TMEM132C: variants seen among roughly 807,000 people sequenced by gnomAD.
TMEM132C encodes the protein protein phosphatase 1, regulatory subunit 152.
TMEM132C carries 29 observed loss-of-function variants against 61.4 expected under a neutral mutation model. That is an observed-to-expected ratio of 0.47 (90% CI 0.35 to 0.64). The LOEUF (loss-of-function observed/expected upper bound fraction) is 0.64. Ranked by LOEUF, TMEM132C falls within the 30% of genes least tolerant of loss-of-function variation. TMEM132C has a pLI of 0.00. For missense variants in TMEM132C, 1,408 were observed against 1,476.9 expected, an observed-to-expected ratio of 0.95 and a Z score of 0.76; for synonymous variants, 656 against 633.1, an observed-to-expected ratio of 1.04 and a Z score of -0.54.
At chr12:128,676,905 A>G (rs143980652) in intron 5 of TMEM132C, among the ~76,000 whole-genome samples, 192 of 152,362 alleles carry the variant, frequency 1.3e-3, no homozygotes, top group African/African-American at 4.4e-3. Flanking sequence ...TGCGATGTGC[A>G]GGTTAATAGG....
chr12:128,434,752 G>A (rs142203567), intron 2 of TMEM132C, among the ~76,000 whole-genome samples: 2,278 of 152,148 alleles, frequency 0.015, 61 homozygotes, highest in African/African-American at 0.05. Context: ...ACAGGCACAT[G>A]CCACTATGCC....
intron 3 of TMEM132C, among the ~76,000 whole-genome samples, chr12:128,557,378 G>A (rs1408805260): frequency 6.6e-6 from 1 of 152,194 alleles, no homozygotes; most frequent in Non-Finnish European, 1.5e-5. Flanking sequence ...ATGATTTATT[G>A]TATCAAGTTA....
chr12:128,291,397 G>A (rs576357051), intron 1 of TMEM132C, among the ~76,000 whole-genome samples: 38 of 152,332 alleles, frequency 2.5e-4, no homozygotes, highest in Middle Eastern at 6.8e-3. Flanking sequence ...TACAGTGCCA[G>A]GTGCCCTTTT....
intron 1 of TMEM132C, among the ~76,000 whole-genome samples, chr12:128,320,269 G>A (rs547268935): frequency 6.7e-6 from 1 of 150,084 alleles, no homozygotes; most frequent in South Asian, 2.1e-4. Flanking sequence ...CTTTTTTTTT[G>A]CATTTTGAAT....
At chr12:128,604,888 TGATGGATG>T (rs375376757) in intron 3 of TMEM132C, among the ~76,000 whole-genome samples, 1 of 150,880 alleles carries the variant, frequency 6.6e-6, no homozygotes, top group Non-Finnish European at 1.5e-5. Context: ...GGATGATAGA[TGATGGATG>T]GATGGATGGT....
chr12:128,306,197 G>A (rs1871770966), intron 1 of TMEM132C, among the ~76,000 whole-genome samples: 1 of 144,508 alleles, frequency 6.9e-6, no homozygotes, highest in African/African-American at 2.6e-5. Context: ...TTTACCCTGT[G>A]AAGAAATTCT....
intron 1 of TMEM132C, among the ~76,000 whole-genome samples, chr12:128,271,100 A>G (rs1870498606): frequency 1.3e-5 from 2 of 151,912 alleles, no homozygotes; most frequent in South Asian, 4.2e-4. Context: ...CTAAAAATAC[A>G]AAAATTAGCT....
At chr12:128,499,580 C>G (rs983375202) in intron 2 of TMEM132C, among the ~76,000 whole-genome samples, 8 of 152,172 alleles carry the variant, frequency 5.3e-5, no homozygotes, top group Admixed American at 3.9e-4. Context: ...AACCATCGTT[C>G]TACTCTCTGT....
chr12:128,364,141 C>G (rs1034987254), intron 1 of TMEM132C, among the ~76,000 whole-genome samples: 8 of 152,160 alleles, frequency 5.3e-5, no homozygotes, highest in African/African-American at 1.9e-4. Flanking sequence ...GATCCCGCAT[C>G]TGACCTGACC....
intron 5 of TMEM132C, among the ~76,000 whole-genome samples, chr12:128,678,868 C>A (rs1358678010): frequency 6.6e-6 from 1 of 152,214 alleles, no homozygotes; most frequent in East Asian, 1.9e-4. Context: ...GGTCTCCAGT[C>A]TCCTGTGGGA....
intron 1 of TMEM132C, among the ~76,000 whole-genome samples, chr12:128,384,776 G>A (rs958689194): frequency 6.6e-6 from 1 of 152,214 alleles, no homozygotes; most frequent in Admixed American, 6.5e-5. Flanking sequence ...GGCTGGCTTA[G>A]TGAGGGGACT....
rs1184631787 is a variant in TMEM132C, at chr12:128,267,334, C to T, written c.-69C>T. The stretch of plus-strand genomic sequence containing the variant: ...GGAGTGGCCCCGGGCATGGGGCGGC[C>T]GGCGGGGGCCGCGGGCGGGCGCTGC... On this transcript the variant is annotated 5_prime_UTR_variant, in exon 1 of 9. Transcript: ENST00000435159. 1.9e-5 allele frequency: 18 copies of T among 953,456 alleles called. 1 individual carries two copies. The South Asian group carries it at 5.1e-4, about 27-fold the overall frequency. The allele number at this position is 953,456 out of a possible 1,614,324, so 59.1% of individuals were successfully genotyped here. A position where few individuals can be genotyped will look rare whatever the true frequency, so the allele number is the denominator to read the frequency against.
chr12:128,538,570 A>G (rs893936296), intron 2 of TMEM132C, among the ~76,000 whole-genome samples: 1 of 152,208 alleles, frequency 6.6e-6, no homozygotes, highest in African/African-American at 2.4e-5. Flanking sequence ...TCCTCTTAAT[A>G]TCAAACTATT....
At chr12:128,582,057 G>T (rs1018876566) in intron 3 of TMEM132C, among the ~76,000 whole-genome samples, 15 of 152,192 alleles carry the variant, frequency 9.9e-5, no homozygotes, top group African/African-American at 2.9e-4. Context: ...AGGCTTCAGT[G>T]ACTGCATGGA....
intron 1 of TMEM132C, among the ~76,000 whole-genome samples, chr12:128,267,955 C>T (rs941215745): frequency 6.6e-6 from 1 of 152,200 alleles, no homozygotes; most frequent in African/African-American, 2.4e-5. Flanking sequence ...GGCTGGTGCT[C>T]CAGGAGGGAA....
chr12:128,320,722 G>A (rs1872303381), intron 1 of TMEM132C, among the ~76,000 whole-genome samples: 1 of 151,760 alleles, frequency 6.6e-6, no homozygotes, highest in Non-Finnish European at 1.5e-5. Context: ...CAAGGCTGCA[G>A]TGAGCTGAGA....
intron 5 of TMEM132C, among the ~76,000 whole-genome samples, chr12:128,677,944 A>C (rs1489405467): frequency 2.0e-5 from 3 of 152,370 alleles, no homozygotes; most frequent in South Asian, 4.1e-4. Context: ...AACCTTGCTC[A>C]GCCAACAGCC....
At chr12:128,291,451 C>T (rs1318912244) in intron 1 of TMEM132C, among the ~76,000 whole-genome samples, 2 of 152,296 alleles carry the variant, frequency 1.3e-5, no homozygotes, top group Non-Finnish European at 1.5e-5. Flanking sequence ...GCCTGCAGCC[C>T]GCACCAACTG....
At chr12:128,304,208 T>C (rs1331580966) in intron 1 of TMEM132C, among the ~76,000 whole-genome samples, 1 of 151,940 alleles carries the variant, frequency 6.6e-6, no homozygotes, top group African/African-American at 2.4e-5. Flanking sequence ...TATTGAGACA[T>C]CTTATTTTTT....
Sources: gnomAD v4.1 joint callset for allele counts (sites outside exome capture counted in the v4.1 genomes callset) on GRCh38, gnomAD v4.1.1 for gene constraint, MANE v1.5 for transcripts, NCBI Gene and HGNC (gene_info 2026-07-23, HGNC 2026-07-21) for gene names.